The following FAM91A1 variants were observed in gnomAD, a reference collection of about 807,000 sequenced individuals.
FAM91A1 encodes the protein protein FAM91A1.
A neutral mutation model predicts 113.5 loss-of-function variants in FAM91A1; 41 were observed. The ratio of observed to expected loss-of-function variants is 0.36; its 90% CI spans 0.28 to 0.47. The LOEUF is 0.47. Among genes scored for constraint, FAM91A1 ranks in the 20% least tolerant of loss-of-function variants. FAM91A1 has a pLI of 1.00. For missense variants in FAM91A1, 696 were observed against 1,001.2 expected, an observed-to-expected ratio of 0.70 and a Z score of 4.11; for synonymous variants, 307 against 347.9, an observed-to-expected ratio of 0.88 and a Z score of 1.31.
intron 14 of FAM91A1, among the ~76,000 whole-genome samples, chr8:123,788,888 A>G (rs1288698239): frequency 6.6e-6 from 1 of 152,158 alleles, no homozygotes; most frequent in East Asian, 1.9e-4. Flanking sequence ...CTATTTTTTA[A>G]GTAGTTTGAT....
At chr8:123,780,379 TC>T (rs1815089448) in intron 7 of FAM91A1, 100 bp from the exon 8 acceptor site, 18 of 910,714 alleles carry the variant, frequency 2.0e-5, no homozygotes, top group African/African-American at 1.7e-4. Flanking sequence ...CACATAGCAT[TC>T]ATTTGTAAGA....
chr8:123,797,851 G>T (rs908349288), intron 15 of FAM91A1, among the ~76,000 whole-genome samples: 1 of 152,020 alleles, frequency 6.6e-6, no homozygotes, highest in Non-Finnish European at 1.5e-5. Context: ...ACATCTTGTT[G>T]CAGTAAAAAG....
intron 15 of FAM91A1, among the ~76,000 whole-genome samples, chr8:123,794,333 G>C (rs1815455594): frequency 6.6e-6 from 1 of 152,122 alleles, no homozygotes; most frequent in Admixed American, 6.5e-5. Context: ...GTAGATACTA[G>C]TCTATTTTAT....
At chr8:123,781,101 T>C (rs1257178526) in intron 8 of FAM91A1, among the ~76,000 whole-genome samples, 2 of 152,212 alleles carry the variant, frequency 1.3e-5, no homozygotes, top group African/African-American at 2.4e-5. Context: ...AATACTGATA[T>C]GTTCAATATC....
chr8:123,771,575 A>T (rs917108963), intron 1 of FAM91A1, among the ~76,000 whole-genome samples: 2 of 152,228 alleles, frequency 1.3e-5, no homozygotes, highest in African/African-American at 4.8e-5. Flanking sequence ...TAAAAAATAT[A>T]TAAAAAATTG....
chr8:123,774,882 G>T (rs183691752), intron 2 of FAM91A1, among the ~76,000 whole-genome samples: 1 of 152,026 alleles, frequency 6.6e-6, no homozygotes, highest in South Asian at 2.1e-4. Context: ...TACCTTTTTG[G>T]GGGGCATGCT....
intron 15 of FAM91A1, among the ~76,000 whole-genome samples, chr8:123,792,400 C>T (rs1408381640): frequency 3.9e-5 from 6 of 152,114 alleles, no homozygotes; most frequent in East Asian, 3.8e-4. Context: ...TTAAATAGCA[C>T]GGCGTACTGT....
Position 123,780,517 on chromosome 8 carries a change from A to G in FAM91A1, c.678A>G (p.Pro226=). 2 of 1,611,228 alleles carry G rather than the reference A, an allele frequency of 1.2e-6. No individual in the cohort carries two copies. Among genetic ancestry groups the G allele is most frequent in the Non-Finnish European group, 1.7e-6 (2 of 1,179,116 alleles). ...AAGGATTTATTTATCTGGATGTACC[A>G]ATATCTGATGACAGTTGTATAGCAG... The part of the protein sequence containing the change: ...YNKGFIYLDV[P]ISDDSCIAVP... Residue 226 remains proline, a synonymous_variant, in exon 8 of 24, where the codon CCA becomes CCG. Coordinates refer to ENST00000334705, the MANE Select transcript of FAM91A1 (RefSeq NM_144963.4).
At chr8:123,808,640 A>G in intron 21 of FAM91A1, 2 of 500,200 alleles carry the variant, frequency 4.0e-6, no homozygotes, top group South Asian at 3.1e-5. Flanking sequence ...TTTTGGGCAA[A>G]TGACTACTTT....
intron 15 of FAM91A1, among the ~76,000 whole-genome samples, chr8:123,797,009 C>T (rs1563645151): frequency 6.6e-6 from 1 of 151,436 alleles, no homozygotes; most frequent in African/African-American, 2.4e-5. Context: ...TGCAGGGAGC[C>T]GAGATGGCGC....
chr8:123,768,782 C>T lies in FAM91A1; in HGVS notation c.72+8C>T. ...CCGGCCAACGTGAGACAGGTACGGC[C>T]GGAACCTGGGACCGGGCCCCTGACG... On this transcript the variant is annotated splice_region_variant and intron_variant, in intron 1 of 23. Transcript: ENST00000334705. The T allele has an allele frequency of 6.2e-7, 1 of 1,610,386 alleles. No individual in the cohort carries two copies. The highest frequency in any genetic ancestry group is 8.5e-7 in the Non-Finnish European group (1 of 1,178,406).
intron 18 of FAM91A1, among the ~76,000 whole-genome samples, chr8:123,802,212 A>G (rs1448902797): frequency 2.6e-5 from 4 of 152,188 alleles, no homozygotes; most frequent in Admixed American, 2.6e-4. Context: ...GACTGTGTGT[A>G]GTAGTTTAGA....
At chr8:123,811,637 G>A (rs1815957954) in intron 23 of FAM91A1, among the ~76,000 whole-genome samples, 1 of 152,006 alleles carries the variant, frequency 6.6e-6, no homozygotes, top group Non-Finnish European at 1.5e-5. Flanking sequence ...TGATTAGCTG[G>A]ATGTGTGAAA....
intron 15 of FAM91A1, among the ~76,000 whole-genome samples, chr8:123,792,425 C>G (rs1432584664): frequency 6.6e-6 from 1 of 152,140 alleles, no homozygotes; most frequent in East Asian, 1.9e-4. Context: ...AAATAAAAGT[C>G]ATGCGTGGTC....
At chr8:123,780,431 C>A in intron 7 of FAM91A1, 49 bp from the exon 8 acceptor site, 1 of 1,387,920 alleles carries the variant, frequency 7.2e-7, no homozygotes, top group South Asian at 1.3e-5. Context: ...TTAAAAAAAT[C>A]ACTGTTGTGT....
chr8:123,784,366 A>G, intron 8 of FAM91A1, 104 bp from the exon 9 acceptor site: 1 of 743,168 alleles, frequency 1.3e-6, no homozygotes, highest in Non-Finnish European at 2.1e-6. Flanking sequence ...AGCTGCATTC[A>G]GTCCCTAAGT....
In FAM91A1 at chr8:123,799,837, G is replaced by T; in HGVS notation, c.1761G>T (p.Val587=). The part of the protein sequence containing the change: ...HDPGVVPTSN[V]LTMLNDALTH... ...CTGGAGTAGTTCCTACCTCAAATGT[G>T]CTCACGATGTTGAATGATGCTTTAA... Residue 587 remains valine (V), a synonymous_variant, in exon 18 of 24, where the codon GTG becomes GTT. Transcript: ENST00000334705. 6.2e-7 allele frequency: 1 copy of T among 1,608,538 alleles called. No individual in the cohort carries two copies. Among genetic ancestry groups the T allele is most frequent in the Non-Finnish European group, 8.5e-7 (1 of 1,175,638 alleles).
intron 18 of FAM91A1, among the ~76,000 whole-genome samples, chr8:123,801,673 G>C (rs1243973701): frequency 6.6e-6 from 1 of 152,186 alleles, no homozygotes; most frequent in Non-Finnish European, 1.5e-5. Flanking sequence ...ATCCAGTCCA[G>C]CCTTGGGGCA....
rs143697689 is a variant in FAM91A1 at position 123,800,916 on chromosome 8, C to T, written c.1809+1031C>T. 5.9e-5 allele frequency among the ~76,000 whole-genome samples: 9 copies of T among 152,220 alleles called. No individual in the cohort carries two copies. In the East Asian group the frequency reaches 1.7e-3, roughly 29 times the overall value. On this transcript the variant is annotated intron_variant, in intron 18 of 23. Coordinates refer to ENST00000334705, the MANE Select transcript of FAM91A1 (RefSeq NM_144963.4). ...ATGGATATGCCACATTTTGTTTATTCCTCCATCAGTTGATGGACATGTGGG... is the reference window on the plus strand; with the variant it reads ...ATGGATATGCCACATTTTGTTTATTTCTCCATCAGTTGATGGACATGTGGG...
Sources: gnomAD v4.1 joint callset for allele counts (sites outside exome capture counted in the v4.1 genomes callset) on GRCh38, gnomAD v4.1.1 for gene constraint, MANE v1.5 for transcripts, NCBI Gene and HGNC (gene_info 2026-07-23, HGNC 2026-07-21) for gene names.